CNTNAP2: variants seen among roughly 807,000 people sequenced by gnomAD.
CNTNAP2 encodes the protein contactin associated protein 2, also known as contactin-associated protein-like 2.
In CNTNAP2, 98 loss-of-function variants were observed where a neutral mutation model predicts 155.2. That is an observed-to-expected ratio of 0.63 (90% CI 0.54 to 0.75). The LOEUF (loss-of-function observed/expected upper bound fraction) is 0.75, where lower values mean the gene tolerates loss of function less well. Ranked by LOEUF, CNTNAP2 falls within the 30% of genes least tolerant of loss-of-function variation. The pLI, the probability that CNTNAP2 is intolerant of heterozygous loss-of-function variation, is 0.00. For missense variants in CNTNAP2, 1,727 were observed against 1,688.1 expected (o/e 1.02, Z -0.40); for synonymous variants, 651 against 631.2 (o/e 1.03, Z -0.47).
At chr7:146,721,240 C>G (rs1212483749) in intron 1 of CNTNAP2, among the ~76,000 whole-genome samples, 4 of 122,974 alleles carry the variant, frequency 3.3e-5, no homozygotes, top group African/African-American at 9.2e-5. Context: ...TCTATATACT[C>G]TCTCTATATT....
At position 146,889,316 on chromosome 7, in the gene CNTNAP2, C is replaced by T. The variant is rs148009548; in HGVS notation, c.402+49412C>T. ...AAATATGTGTAAATCTTCTTTGATA[C>T]AGAGAAACTCCAGAAATATGGTAGA... is the stretch of plus-strand genomic sequence containing the variant. On this transcript the variant is annotated intron_variant, in intron 3 of 23. Transcript: ENST00000361727. Among the ~76,000 whole-genome samples the T allele has an allele frequency of 5.5e-4, 84 of 152,146 alleles. 1 individual carries two copies. The highest frequency in any genetic ancestry group is 1.9e-3 in the African/African-American group (79 of 41,522).
chr7:147,569,373 G>A (rs1018505170), intron 12 of CNTNAP2, among the ~76,000 whole-genome samples: 3 of 151,682 alleles, frequency 2.0e-5, no homozygotes, highest in South Asian at 2.1e-4. Flanking sequence ...CCCCCTCCCC[G>A]TGTCCACAAA....
At chr7:147,593,857 C>T (rs1190629217) in intron 12 of CNTNAP2, among the ~76,000 whole-genome samples, 1 of 152,098 alleles carries the variant, frequency 6.6e-6, no homozygotes, top group African/African-American at 2.4e-5. Flanking sequence ...AGGAGAAAGG[C>T]CAGATTACAA....
At chr7:146,267,438 A>T (rs1244325762) in intron 1 of CNTNAP2, among the ~76,000 whole-genome samples, 2 of 152,170 alleles carry the variant, frequency 1.3e-5, no homozygotes, top group Non-Finnish European at 2.9e-5. Flanking sequence ...CCTAGATATT[A>T]TAAAAAATAA....
In CNTNAP2 at chr7:146,721,551, C is replaced by CTA. The variant is rs1347597286; in HGVS notation, c.98-52715_98-52714dup. On this transcript the variant is annotated intron_variant, in intron 1 of 23. Transcript: ENST00000361727. ...ATTCTATATACATTCTATATATATT[C>CTA]TATATACATTCTATATATATTCTAT... Among the ~76,000 whole-genome samples the CTA allele has an allele frequency of 7.0e-3, 650 of 92,284 alleles. 27 individuals carry two copies. The highest frequency in any genetic ancestry group is 0.029 in the Middle Eastern group (2 of 68). The allele number at this position is 92,284 out of a possible 152,430, so 60.5% of individuals were successfully genotyped here. A position where few individuals can be genotyped will look rare whatever the true frequency, so the allele number is the denominator to read the frequency against.
At chr7:148,282,000 T>C (rs7780710) in intron 21 of CNTNAP2, among the ~76,000 whole-genome samples, 10,565 of 152,074 alleles carry the variant, frequency 0.069, 570 homozygotes, top group African/African-American at 0.15. Context: ...AATTTTTGTA[T>C]TTTTAGTAGA....
chr7:147,419,059 G>T (rs186544127), intron 10 of CNTNAP2, among the ~76,000 whole-genome samples: 48 of 152,134 alleles, frequency 3.2e-4, no homozygotes, highest in Non-Finnish European at 1.5e-4. Flanking sequence ...TATGAAGAAA[G>T]ATTTCCAATG....
At chr7:147,408,883 T>C (rs1046877242) in intron 10 of CNTNAP2, among the ~76,000 whole-genome samples, 6 of 152,186 alleles carry the variant, frequency 3.9e-5, no homozygotes, top group Non-Finnish European at 8.8e-5. Context: ...TTGTTCTGAT[T>C]ACCTGGGCAG....
At chr7:146,932,389 C>A (rs1250022173) in intron 3 of CNTNAP2, among the ~76,000 whole-genome samples, 1 of 151,244 alleles carries the variant, frequency 6.6e-6, no homozygotes, top group Admixed American at 6.6e-5. Flanking sequence ...TTCAACAACC[C>A]TTCATGCTAA....
intron 13 of CNTNAP2, among the ~76,000 whole-genome samples, chr7:147,701,519 A>G (rs1018210248): frequency 6.6e-6 from 1 of 152,218 alleles, no homozygotes; most frequent in African/African-American, 2.4e-5. Context: ...ATTAAATTAC[A>G]TATCCAAACA....
intron 1 of CNTNAP2, among the ~76,000 whole-genome samples, chr7:146,220,094 T>C (rs1444561260): frequency 1.3e-5 from 2 of 152,170 alleles, no homozygotes; most frequent in East Asian, 1.9e-4. Flanking sequence ...CAATACATCA[T>C]ACCATTCTGA....
chr7:147,461,031 G>T (rs1798013738), intron 10 of CNTNAP2, among the ~76,000 whole-genome samples: 1 of 152,184 alleles, frequency 6.6e-6, no homozygotes, highest in South Asian at 2.1e-4. Context: ...AAACCAGAAT[G>T]ATTTCCTAGA....
At chr7:148,030,923 G>A (rs533235183) in intron 15 of CNTNAP2, among the ~76,000 whole-genome samples, 58 of 152,184 alleles carry the variant, frequency 3.8e-4, no homozygotes, top group African/African-American at 1.3e-3. Flanking sequence ...AAGAAAAATT[G>A]CACCAGACAC....
chr7:147,776,746 A>G (rs1314839742), intron 13 of CNTNAP2, among the ~76,000 whole-genome samples: 1 of 152,062 alleles, frequency 6.6e-6, no homozygotes, highest in Non-Finnish European at 1.5e-5. Context: ...TTATCCTTAA[A>G]TAACACCTTT....
intron 3 of CNTNAP2, among the ~76,000 whole-genome samples, chr7:146,927,413 C>A (rs1253762088): frequency 6.6e-6 from 1 of 152,110 alleles, no homozygotes. Flanking sequence ...AAAAAGTCTG[C>A]AGTTTCTCCA....
At chr7:146,780,694 A>G (rs1431949152) in intron 2 of CNTNAP2, among the ~76,000 whole-genome samples, 1 of 152,100 alleles carries the variant, frequency 6.6e-6, no homozygotes, top group African/African-American at 2.4e-5. Flanking sequence ...ATGCAGCTAT[A>G]GAAAAGAATA....
In CNTNAP2 at chr7:146,614,298, G is replaced by A. The variant is rs970185364; in HGVS notation, c.98-159973G>A. Among the ~76,000 whole-genome samples the A allele has an allele frequency of 3.3e-5, 5 of 152,218 alleles. No homozygotes were observed. In the East Asian group the frequency reaches 7.7e-4, roughly 24 times the overall value. On this transcript the variant is annotated intron_variant, in intron 1 of 23. Transcript: ENST00000361727. Reference sequence around the variant, plus strand: ...TGTGTAAGCTTTATTTTTATAAATCGTGTTTATGGTCTTCCTAAATAAGCA... The same window carrying A: ...TGTGTAAGCTTTATTTTTATAAATCATGTTTATGGTCTTCCTAAATAAGCA...
intron 3 of CNTNAP2, among the ~76,000 whole-genome samples, chr7:146,952,533 C>T (rs1384277874): frequency 3.9e-5 from 6 of 152,106 alleles, no homozygotes; most frequent in African/African-American, 1.2e-4. Flanking sequence ...GAAACCCCAT[C>T]GCCTCAGCCA....
chr7:148,405,997 C>T (rs1799695429), intron 22 of CNTNAP2, among the ~76,000 whole-genome samples: 1 of 152,030 alleles, frequency 6.6e-6, no homozygotes, highest in Non-Finnish European at 1.5e-5. Flanking sequence ...CTTTAAGAGG[C>T]CAAGACCGGC....
Sources: gnomAD v4.1 joint callset for allele counts (sites outside exome capture counted in the v4.1 genomes callset) on GRCh38, gnomAD v4.1.1 for gene constraint, MANE v1.5 for transcripts, NCBI Gene and HGNC (gene_info 2026-07-23, HGNC 2026-07-21) for gene names.